Variants in MAP10 observed in about 807,000 individuals in gnomAD.
MAP10 encodes the protein microtubule-associated protein 10.
MAP10 carries 10 observed loss-of-function variants against 6.3 expected under a neutral mutation model. The ratio of observed to expected loss-of-function variants is 1.58; its 90% CI spans 0.98 to 2.69. The LOEUF is 2.69. MAP10 is among the 30% of genes most tolerant of loss of function. The probability of loss-of-function intolerance (pLI) is 0.00; values close to 1 mark genes in which losing one functional copy is unlikely to be tolerated. For missense variants in MAP10, 1,189 were observed against 1,086.5 expected, an observed-to-expected ratio of 1.09 and a Z score of -1.33; for synonymous variants, 459 against 429.3, an observed-to-expected ratio of 1.07 and a Z score of -0.86.
chr1:232,808,077 C>A lies in MAP10; in HGVS notation c.2628C>A (p.Gly876=). The part of the protein sequence containing the change: ...DSSTSDHFEE[G]NDDVGSLNIS... The stretch of plus-strand genomic sequence containing the variant: ...GTACATCAGATCACTTTGAAGAAGG[C>A]AATGATGATGTTGGTTCACTAAATA... Residue 876 remains glycine (G), a synonymous_variant, in exon 1 of 1, where the codon GGC becomes GGA. Transcript: ENST00000418460. 1 of 1,606,098 alleles carries A rather than the reference C, an allele frequency of 6.2e-7. No homozygotes were observed. The highest frequency in any genetic ancestry group is 8.5e-7 in the Non-Finnish European group (1 of 1,174,080).
Position 232,807,163 on chromosome 1 carries a change from A to G in MAP10, c.1714A>G (p.Asn572Asp), listed in dbSNP as rs1666120608. The G allele has an allele frequency of 1.9e-6, 3 of 1,612,946 alleles. No homozygotes were observed. The South Asian group carries it at 3.3e-5, about 18-fold the overall frequency. Residue 572 changes from asparagine to aspartate, a missense_variant, in exon 1 of 1, where the codon AAT becomes GAT. Transcript: ENST00000418460. ...YLDSDASFTE[N>D]SDTSRQISGV... ...AGATTCAGATGCATCTTTCACTGAAAATAGTGATACCTCAAGACAAATCAG... is the reference window on the plus strand; with the variant it reads ...AGATTCAGATGCATCTTTCACTGAAGATAGTGATACCTCAAGACAAATCAG...
Position 232,807,984 on chromosome 1 carries a change from A to G in MAP10, c.2535A>G (p.Ser845=), listed in dbSNP as rs1277313977. 6.2e-7 allele frequency: 1 copy of G among 1,613,302 alleles called. No individual in the cohort carries two copies. Among genetic ancestry groups the G allele is most frequent in the Non-Finnish European group, 8.5e-7 (1 of 1,179,544 alleles). The change falls in exon 1 of 1, where the codon TCA becomes TCG. Residue 845 remains serine (S), a synonymous_variant. Coordinates refer to ENST00000418460, the MANE Select transcript of MAP10 (RefSeq NM_019090.3). The part of the protein sequence containing the change: ...SSWKSLEKSQ[S]PQTSQVSSYL... ...GGAAATCTTTAGAAAAAAGCCAGTC[A>G]CCACAAACATCCCAGGTGAGTTCTT... is the stretch of plus-strand genomic sequence containing the variant.
chr1:232,805,957 G>T, the MAP10 span: 3 of 1,613,088 alleles, frequency 1.9e-6, no homozygotes, highest in South Asian at 2.2e-5. Flanking sequence ...TCGAGTGGGC[G>T]AGCGGACTGG....
At position 232,806,725 on chromosome 1, in the gene MAP10, T is replaced by G. The variant is rs1261091780; in HGVS notation, c.1276T>G (p.Leu426Val). The G allele has an allele frequency of 1.9e-6, 3 of 1,613,870 alleles. No individual in the cohort carries two copies. The Admixed American group carries it at 5.0e-5, about 27-fold the overall frequency. ...PAHIHPHLAW[L>V]YRTEDKKSPE... ...TCATATACATCCTCACCTAGCCTGG[T>G]TATATAGGACTGAGGATAAGAAGTC... The change falls in exon 1 of 1, where the codon TTA (leucine) becomes GTA (valine). Residue 426 changes from leucine to valine, a missense_variant. Leu to Val is a conservative substitution (Grantham distance 32). Transcript: ENST00000418460.
chr1:232,807,489 T>TATAA, the MAP10 span: 4 of 1,613,784 alleles, frequency 2.5e-6, no homozygotes, highest in Non-Finnish European at 3.4e-6. Flanking sequence ...TTATGGCTGA[T>TATAA]ATAAGTGACA....
At position 232,805,686 on chromosome 1, in the gene MAP10, C is replaced by A; in HGVS notation, c.237C>A (p.Ala79=). The part of the protein sequence containing the change: ...VYPPDGPGAP[A]AEPWPGVIRF... ...CTCCTGACGGCCCCGGCGCTCCCGC[C>A]GCCGAACCGTGGCCCGGTGTCATCC... Residue 79 remains alanine, a synonymous_variant, in exon 1 of 1, where the codon GCC becomes GCA. Coordinates refer to ENST00000418460, the MANE Select transcript of MAP10 (RefSeq NM_019090.3). The A allele has an allele frequency of 6.2e-7, 1 of 1,603,350 alleles. No homozygotes were observed. The highest frequency in any genetic ancestry group is 1.1e-5 in the South Asian group (1 of 90,614).
Position 232,805,517 on chromosome 1 carries a change from C to T in MAP10, c.68C>T (p.Ala23Val). The T allele has an allele frequency of 6.4e-7, 1 of 1,567,444 alleles. No individual in the cohort carries two copies. Among genetic ancestry groups the T allele is most frequent in the Non-Finnish European group, 8.7e-7 (1 of 1,155,826 alleles). Residue 23 changes from alanine to valine, a missense_variant, in exon 1 of 1, where the codon GCC (alanine) becomes GTC (valine). Transcript: ENST00000418460. ...CTGGTGGACTGGGTGCGTTTGGAAG[C>T]CCGGCTGCTGCCGTCCCCCGCTGCC... ...ELLVDWVRLE[A>V]RLLPSPAAAV...
In MAP10 at chr1:232,809,127, A is replaced by G. The variant is rs1182632781; in HGVS notation, c.*960A>G. Among the ~76,000 whole-genome samples, 1 of 152,018 alleles carries G rather than the reference A, an allele frequency of 6.6e-6. No homozygotes were observed. The highest frequency in any genetic ancestry group is 2.4e-5 in the African/African-American group (1 of 41,430). ...GTTTCTTGTCATTTCAGTTTGTTCA[A>G]TGGTTATTTTTAGTGTATGGAACTT... is the stretch of plus-strand genomic sequence containing the variant. On this transcript the variant is annotated 3_prime_UTR_variant, in exon 1 of 1. Coordinates refer to ENST00000418460, the MANE Select transcript of MAP10 (RefSeq NM_019090.3).
chr1:232,805,428 G>A lies in MAP10; in HGVS notation c.-22G>A, dbSNP rs972775176. On this transcript the variant is annotated 5_prime_UTR_variant, in exon 1 of 1. Transcript: ENST00000418460. ...GCTTCTCGTTTGCGGAGCCCGCGGC[G>A]GCGTTTCCTGGGGCAACAGCAATGG... 9 of 1,612,318 alleles carry A rather than the reference G, an allele frequency of 5.6e-6. No individual in the cohort carries two copies. The African/African-American group carries it at 6.7e-5, about 12-fold the overall frequency.
At position 232,808,388 on chromosome 1, in the gene MAP10, TAA is replaced by T; in HGVS notation, c.*224_*225del. 2.6e-6 allele frequency: 1 copy of T among 384,784 alleles called. No individual in the cohort carries two copies. The highest frequency in any genetic ancestry group is 4.2e-5 in the Admixed American group (1 of 23,670). The allele number at this position is 384,784 out of a possible 1,614,324, so 23.8% of individuals were successfully genotyped here. A position where few individuals can be genotyped will look rare whatever the true frequency, so the allele number is the denominator to read the frequency against. On this transcript the variant is annotated 3_prime_UTR_variant, in exon 1 of 1. Transcript: ENST00000418460. ...TTTTTAAATTGTTTAATCATAAGAA[TAA>T]AAGTGTGTCTTTCTAAATTGTCTCT...
In MAP10 at chr1:232,807,102, A is replaced by G. The variant is rs2102964396; in HGVS notation, c.1653A>G (p.Gln551=). ...SKVKLLSSAE[Q]SQKPQLPEDK... is the part of the protein sequence containing the mutation. Reference sequence around the variant, plus strand: ...TTAAACTATTAAGCTCTGCAGAACAAAGTCAGAAGCCACAACTGCCTGAAG... The same window carrying G: ...TTAAACTATTAAGCTCTGCAGAACAGAGTCAGAAGCCACAACTGCCTGAAG... Residue 551 remains glutamine, a synonymous_variant, in exon 1 of 1, where the codon CAA becomes CAG. Transcript: ENST00000418460. 2 of 1,611,992 alleles carry G rather than the reference A, an allele frequency of 1.2e-6. No individual in the cohort carries two copies.
rs1666112553 is a variant in MAP10 at position 232,806,774 on chromosome 1, C to T, written c.1325C>T (p.Thr442Ile). ...KKSPESSAKSTCRSEAKKDKR... is the reference protein window; with the variant it reads ...KKSPESSAKSICRSEAKKDKR... ...TCACCCGAATCTTCTGCCAAATCCA[C>T]ATGCCGGTCTGAAGCCAAGAAGGAT... The change falls in exon 1 of 1, where the codon ACA (threonine) becomes ATA (isoleucine). Residue 442 changes from threonine to isoleucine, a missense_variant. Physicochemically the swap from Thr to Ile is moderately conservative, Grantham distance 89. Transcript: ENST00000418460. 6.2e-7 allele frequency: 1 copy of T among 1,613,810 alleles called. No homozygotes were observed. Among genetic ancestry groups the T allele is most frequent in the Non-Finnish European group, 8.5e-7 (1 of 1,179,852 alleles).
chr1:232,806,350 C>T lies in MAP10; in HGVS notation c.901C>T (p.Pro301Ser), dbSNP rs1183533896. 1 of 1,613,812 alleles carries T rather than the reference C, an allele frequency of 6.2e-7. No individual in the cohort carries two copies. Among genetic ancestry groups the T allele is most frequent in the Admixed American group, 1.7e-5 (1 of 60,002 alleles). Residue 301 changes from proline to serine, a missense_variant, in exon 1 of 1, where the codon CCT becomes TCT. By Grantham distance (74) the Pro-to-Ser change is moderately conservative. Transcript: ENST00000418460. Reference sequence around the variant, plus strand: ...GGACATGGAGACCAATATATTTTGCCCTCCTCCTTTGTATTACACTAACTT... The same window carrying T: ...GGACATGGAGACCAATATATTTTGCTCTCCTCCTTTGTATTACACTAACTT... Reference protein sequence around the residue: ...ELDMETNIFCPPPLYYTNLTQ... With the variant: ...ELDMETNIFCSPPLYYTNLTQ...
chr1:232,805,862 C>A, the MAP10 span: 2 of 1,589,152 alleles, frequency 1.3e-6, no homozygotes, highest in East Asian at 2.3e-5. Flanking sequence ...TGCGACATTT[C>A]GCTGGCCACC....
chr1:232,807,207 C>T lies in MAP10; in HGVS notation c.1758C>T (p.Pro586=), dbSNP rs1489054091. The part of the protein sequence containing the change: ...SRQISGVFDE[P]STSKETKLKY... ...AAATCAGTGGAGTTTTTGATGAGCC[C>T]AGCACAAGTAAAGAAACTAAACTGA... Residue 586 remains proline, a synonymous_variant, in exon 1 of 1, where the codon CCC becomes CCT. Coordinates refer to ENST00000418460, the MANE Select transcript of MAP10 (RefSeq NM_019090.3). The T allele has an allele frequency of 6.2e-7, 1 of 1,613,194 alleles. No homozygotes were observed. Among genetic ancestry groups the T allele is most frequent in the Admixed American group, 1.7e-5 (1 of 59,942 alleles).
chr1:232,805,558 G>A lies in MAP10; in HGVS notation c.109G>A (p.Glu37Lys). 1 of 1,557,334 alleles carries A rather than the reference G, an allele frequency of 6.4e-7. No individual in the cohort carries two copies. Among genetic ancestry groups the A allele is most frequent in the Non-Finnish European group, 8.7e-7 (1 of 1,151,288 alleles). Residue 37 changes from glutamate (E) to lysine (K), a missense_variant, in exon 1 of 1, where the codon GAG becomes AAG. Coordinates refer to ENST00000418460, the MANE Select transcript of MAP10 (RefSeq NM_019090.3). ...PSPAAAVEQE[E>K]EEEEKEQGEA... is the part of the protein sequence containing the mutation. ...CCCCGCTGCCGCAGTGGAGCAGGAG[G>A]AGGAAGAGGAGGAAAAGGAGCAGGG... is the stretch of plus-strand genomic sequence containing the variant.
In MAP10 at chr1:232,808,285, GTTATTCCTTT is replaced by G. The variant is rs1558362393; in HGVS notation, c.*119_*128del. 1.7e-6 allele frequency: 1 copy of G among 576,528 alleles called. No homozygotes were observed. Among genetic ancestry groups the G allele is most frequent in the Non-Finnish European group, 2.9e-6 (1 of 347,656 alleles). The allele number at this position is 576,528 out of a possible 1,614,324, so 35.7% of individuals were successfully genotyped here. ...ATTTTTTAAAGAAATATGAATTAAC[GTTATTCCTTT>G]GATGTTTAAATGGTATTTTACCATT... is the stretch of plus-strand genomic sequence containing the variant. On this transcript the variant is annotated 3_prime_UTR_variant, in exon 1 of 1. Transcript: ENST00000418460.
Position 232,806,721 on chromosome 1 carries a change from C to G in MAP10, c.1272C>G (p.Ala424=). The stretch of plus-strand genomic sequence containing the variant: ...CTGCTCATATACATCCTCACCTAGC[C>G]TGGTTATATAGGACTGAGGATAAGA... ...TSPAHIHPHL[A]WLYRTEDKKS... The change falls in exon 1 of 1, where the codon GCC becomes GCG. Residue 424 remains alanine, a synonymous_variant. Coordinates refer to ENST00000418460, the MANE Select transcript of MAP10 (RefSeq NM_019090.3). 1 of 1,613,886 alleles carries G rather than the reference C, an allele frequency of 6.2e-7. No individual in the cohort carries two copies.
rs779045688 is a variant in MAP10 at position 232,807,482 on chromosome 1, T to C, written c.2033T>C (p.Met678Thr). 7 of 1,613,720 alleles carry C rather than the reference T, an allele frequency of 4.3e-6. No homozygotes were observed. The highest frequency in any genetic ancestry group is 4.0e-5 in the African/African-American group (3 of 74,940). ...QVKTTDNDIL[M>T]ADISDKRTGK... ...AAAACCACAGATAATGACATTCTTA[T>C]GGCTGATATAAGTGACAAGAGAACA... Residue 678 changes from methionine to threonine, a missense_variant, in exon 1 of 1, where the codon ATG becomes ACG. Met to Thr is a moderately conservative substitution (Grantham distance 81). Transcript: ENST00000418460.
Sources: allele counts gnomAD v4.1 joint callset (sites outside exome capture counted in the v4.1 genomes callset), GRCh38; gene constraint gnomAD v4.1.1; transcripts MANE v1.5; gene names NCBI Gene and HGNC (gene_info 2026-07-23, HGNC 2026-07-21).